Variants in L2HGDH observed in about 807,000 individuals in gnomAD.
L2HGDH encodes the protein L-2-hydroxyglutarate dehydrogenase, also known as L-2-hydroxyglutarate dehydrogenase, mitochondrial.
L2HGDH carries 34 observed loss-of-function variants against 51.5 expected under a neutral mutation model. The ratio of observed to expected loss-of-function variants is 0.66; its 90% CI spans 0.50 to 0.88. L2HGDH has a LOEUF of 0.88. Among genes scored for constraint, L2HGDH ranks in the 40% least tolerant of loss-of-function variants. The pLI is 0.00. For synonymous variants in L2HGDH, 198 were observed against 197.9 expected (o/e 1.00, Z -0.01); for missense variants, 558 against 571.9 (o/e 0.98, Z 0.25).
Position 50,243,466 on chromosome 14 carries a change from C to A in L2HGDH, c.*3592G>T. ...TTTTTATGGAACTAAAAAATATGTT[C>A]TCTACAACACCAAGGCTCATTAAAA... is the stretch of plus-strand genomic sequence containing the variant. On this transcript the variant is annotated 3_prime_UTR_variant, in exon 10 of 10. Coordinates refer to ENST00000267436, the MANE Select transcript of L2HGDH (RefSeq NM_024884.3). 1 of 800,468 alleles carries A rather than the reference C, an allele frequency of 1.2e-6. No individual in the cohort carries two copies. Among genetic ancestry groups the A allele is most frequent in the Non-Finnish European group, 1.5e-6 (1 of 661,946 alleles). 49.6% of individuals were successfully genotyped at this position (800,468 alleles called of 1,614,324 possible). A position where few individuals can be genotyped will look rare whatever the true frequency, so the allele number is the denominator to read the frequency against.
At chr14:50,272,522 G>C (rs1889757117) in intron 6 of L2HGDH, among the ~76,000 whole-genome samples, 2 of 152,232 alleles carry the variant, frequency 1.3e-5, no homozygotes, top group East Asian at 1.9e-4. Context: ...CAGAACTTTA[G>C]GGTTTTTGGA....
chr14:50,256,425 T>G (rs1018793645), intron 9 of L2HGDH, among the ~76,000 whole-genome samples: 1 of 151,078 alleles, frequency 6.6e-6, no homozygotes, highest in Non-Finnish European at 1.5e-5. Context: ...GGCAGGAGGA[T>G]GGCTTGAACC....
At chr14:50,290,520 G>T (rs996853333) in intron 4 of L2HGDH, among the ~76,000 whole-genome samples, 1 of 152,120 alleles carries the variant, frequency 6.6e-6, no homozygotes, top group Non-Finnish European at 1.5e-5. Flanking sequence ...GAGACAGATG[G>T]CAAATATTTT....
intron 9 of L2HGDH, among the ~76,000 whole-genome samples, chr14:50,262,398 C>A (rs1889081789): frequency 6.7e-6 from 1 of 149,500 alleles, no homozygotes; most frequent in Non-Finnish European, 1.5e-5. Context: ...CCACTGCACT[C>A]CAGCCTAGCA....
rs2297995 is a variant in L2HGDH at position 50,302,999 on chromosome 14, G to A, written c.159C>T (p.Ile53=). Residue 53 remains isoleucine, a synonymous_variant, in exon 2 of 10, where the codon ATC becomes ATT. Transcript: ENST00000267436. The stretch of plus-strand genomic sequence containing the variant: ...CAAGCCCCACAATTCCGCCACCAAC[G>A]ATGACTATATCAAATGAGCTTCAAA... ...SASTSSFDIV[I]VGGGIVGLAS... 914,064 of 1,607,172 alleles carry A rather than the reference G, an allele frequency of 0.57. 261,148 individuals are homozygous for A. The highest frequency in any genetic ancestry group is 0.64 in the East Asian group (28,840 of 44,816).
chr14:50,282,531 G>C lies in L2HGDH; in HGVS notation c.703+1340C>G, dbSNP rs189259866. On this transcript the variant is annotated intron_variant, in intron 5 of 9. Coordinates refer to ENST00000267436, the MANE Select transcript of L2HGDH (RefSeq NM_024884.3). The stretch of plus-strand genomic sequence containing the variant: ...TTGTGGGGAACATAGTGTGGGTCCA[G>C]TATAGTTCAGTAATTAACTATGTGG... 3.3e-5 allele frequency: 15 copies of C among 455,948 alleles called. No individual in the cohort carries two copies. The East Asian group carries it at 1.0e-3, about 32-fold the overall frequency. The allele number at this position is 455,948 out of a possible 1,614,324, so 28.2% of individuals were successfully genotyped here. A position where few individuals can be genotyped will look rare whatever the true frequency, so the allele number is the denominator to read the frequency against.
At chr14:50,284,548 T>A (rs1162178814) in intron 4 of L2HGDH, among the ~76,000 whole-genome samples, 1 of 152,262 alleles carries the variant, frequency 6.6e-6, no homozygotes, top group Non-Finnish European at 1.5e-5. Flanking sequence ...AATCTGTAGA[T>A]GAATGACCTA....
At chr14:50,281,171 T>A (rs968898312) in intron 5 of L2HGDH, among the ~76,000 whole-genome samples, 4 of 152,190 alleles carry the variant, frequency 2.6e-5, no homozygotes, top group Non-Finnish European at 5.9e-5. Flanking sequence ...CAGAATGGTA[T>A]GTGTTCCTTA....
chr14:50,307,912 A>G (rs1461256118), intron 1 of L2HGDH, among the ~76,000 whole-genome samples: 1 of 152,228 alleles, frequency 6.6e-6, no homozygotes, highest in African/African-American at 2.4e-5. Context: ...TAGAGTTGAC[A>G]TCAAAAACAT....
chr14:50,268,844 C>T (rs377679824), intron 7 of L2HGDH, among the ~76,000 whole-genome samples: 1 of 152,152 alleles, frequency 6.6e-6, no homozygotes, highest in South Asian at 2.1e-4. Context: ...GGTTGGGTAT[C>T]AGGGACTTCC....
intron 4 of L2HGDH, among the ~76,000 whole-genome samples, chr14:50,287,748 A>G (rs919395803): frequency 5.0e-5 from 6 of 119,992 alleles, no homozygotes; most frequent in Non-Finnish European, 9.4e-5. Context: ...CCCATGCTGG[A>G]GTGCAGTGGT....
At chr14:50,297,655 C>A (rs1260900631) in intron 3 of L2HGDH, among the ~76,000 whole-genome samples, 1 of 152,020 alleles carries the variant, frequency 6.6e-6, no homozygotes, top group South Asian at 2.1e-4. Context: ...CAAGGATAGA[C>A]CAATATGTTG....
chr14:50,268,360 CAG>C (rs1889464158), intron 7 of L2HGDH, among the ~76,000 whole-genome samples: 1 of 123,626 alleles, frequency 8.1e-6, no homozygotes, highest in Non-Finnish European at 1.6e-5. Context: ...GCCTGGGCAA[CAG>C]AGTGAGAATC....
At chr14:50,252,244 G>A (rs1041231941) in intron 9 of L2HGDH, among the ~76,000 whole-genome samples, 11 of 151,800 alleles carry the variant, frequency 7.2e-5, no homozygotes, top group African/African-American at 2.7e-4. Context: ...AAGCCTCATG[G>A]TAAAATAGAA....
At chr14:50,261,346 A>G (rs1039997417) in intron 9 of L2HGDH, among the ~76,000 whole-genome samples, 1 of 152,236 alleles carries the variant, frequency 6.6e-6, no homozygotes, top group Non-Finnish European at 1.5e-5. Flanking sequence ...TTCCCCACAG[A>G]AGACATTTTC....
chr14:50,312,174 C>A lies in L2HGDH; in HGVS notation c.-24G>T. 1 of 1,607,860 alleles carries A rather than the reference C, an allele frequency of 6.2e-7. No individual in the cohort carries two copies. Among genetic ancestry groups the A allele is most frequent in the Non-Finnish European group, 8.5e-7 (1 of 1,179,044 alleles). The stretch of plus-strand genomic sequence containing the variant: ...ATCCCCTACGCACGCTCCCCTCCCT[C>A]AGCGCTCAGAAGAAGCCACTTGACC... On this transcript the variant is annotated 5_prime_UTR_variant, in exon 1 of 10. Transcript: ENST00000267436.
At position 50,245,302 on chromosome 14, in the gene L2HGDH, T is replaced by C. The variant is rs1595053679; in HGVS notation, c.*1756A>G. 1.0e-6 allele frequency: 1 copy of C among 984,872 alleles called. No homozygotes were observed. The highest frequency in any genetic ancestry group is 6.1e-5 in the Admixed American group (1 of 16,284). 61.0% of individuals were successfully genotyped at this position (984,872 alleles called of 1,614,324 possible). ...ATAACTTTTTTAAATTGGAGTTCTA[T>C]ACATCAGTGTCAGGATTCTAAAACT... On this transcript the variant is annotated 3_prime_UTR_variant, in exon 10 of 10. Transcript: ENST00000267436.
At chr14:50,261,666 T>C (rs1889034174) in intron 9 of L2HGDH, among the ~76,000 whole-genome samples, 1 of 151,844 alleles carries the variant, frequency 6.6e-6, no homozygotes, top group South Asian at 2.1e-4. Context: ...AAAAAAATTG[T>C]AGAGATGGCA....
intron 8 of L2HGDH, among the ~76,000 whole-genome samples, chr14:50,267,143 ATTTT>A (rs1354410476): frequency 5.0e-5 from 7 of 140,592 alleles, no homozygotes; most frequent in Non-Finnish European, 7.7e-5. Flanking sequence ...TCTTCTTTTT[ATTTT>A]TATTTATTTA....
Sources: gnomAD v4.1 joint callset for allele counts (sites outside exome capture counted in the v4.1 genomes callset) on GRCh38, gnomAD v4.1.1 for gene constraint, MANE v1.5 for transcripts, NCBI Gene and HGNC (gene_info 2026-07-23, HGNC 2026-07-21) for gene names.